The following PCDH15 variants were observed in gnomAD, a reference collection of about 807,000 sequenced individuals.
The protein encoded by PCDH15 is protocadherin-15.
In PCDH15, 129 loss-of-function variants were observed where a neutral mutation model predicts 178.5. The ratio of observed to expected loss-of-function variants is 0.72; its 90% CI spans 0.63 to 0.84. The LOEUF is 0.84. Ranked by LOEUF, PCDH15 falls within the 40% of genes least tolerant of loss-of-function variation. The pLI is 0.00. For synonymous variants in PCDH15, 800 were observed against 732.0 expected (o/e 1.09, Z -1.50); for missense variants, 2,230 against 2,099.9 (o/e 1.06, Z -1.21).
At chr10:54,838,056 T>C (rs1010724248) in intron 3 of PCDH15, among the ~76,000 whole-genome samples, 4 of 151,894 alleles carry the variant, frequency 2.6e-5, no homozygotes, top group African/African-American at 9.7e-5. Flanking sequence ...TACATACTTG[T>C]GCAAGTATGT....
chr10:55,460,077 C>T (rs1314969015), intron 2 of PCDH15, among the ~76,000 whole-genome samples: 2 of 151,826 alleles, frequency 1.3e-5, no homozygotes, highest in African/African-American at 2.4e-5. Context: ...GTGAAGAAAA[C>T]AGGAACTGAC....
intron 2 of PCDH15, among the ~76,000 whole-genome samples, chr10:54,995,179 A>G (rs1174987285): frequency 6.6e-6 from 1 of 152,028 alleles, no homozygotes; most frequent in Non-Finnish European, 1.5e-5. Flanking sequence ...GATAGAGACC[A>G]TCCTGGCTAA....
In PCDH15 at chr10:54,867,899, T is replaced by C. The variant is rs550826591; in HGVS notation, c.-29+29551A>G. 1.5e-4 allele frequency among the ~76,000 whole-genome samples: 23 copies of C among 152,278 alleles called. No individual in the cohort carries two copies. In the South Asian group the frequency reaches 4.8e-3, roughly 32 times the overall value. ...ACTGAAGATCTACTGCACAGCATAGTGACTAACTATAATTAATAATAATTC... is the reference window on the plus strand; with the variant it reads ...ACTGAAGATCTACTGCACAGCATAGCGACTAACTATAATTAATAATAATTC... On this transcript the variant is annotated intron_variant, in intron 3 of 5. Transcript: ENST00000458638.
chr10:54,936,588 A>G lies in PCDH15; in HGVS notation c.-79-39088T>C, dbSNP rs576594321. Among the ~76,000 whole-genome samples the G allele has an allele frequency of 1.4e-3, 207 of 152,074 alleles. 1 individual carries two copies. Among genetic ancestry groups the G allele is most frequent in the African/African-American group, 4.8e-3 (199 of 41,560 alleles). On this transcript the variant is annotated intron_variant, in intron 2 of 5. Transcript: ENST00000458638. ...CAGCCATCACCCTAATGAATGCAAA[A>G]ATATATATTACTGTGAATTTAATTT...
intron 11 of PCDH15, among the ~76,000 whole-genome samples, chr10:54,187,406 G>A (rs1303217580): frequency 6.6e-6 from 1 of 151,852 alleles, no homozygotes; most frequent in Non-Finnish European, 1.5e-5. Context: ...GTCCAAATGT[G>A]ACTGTAGTAT....
chr10:54,279,039 C>T (rs2058516748), intron 8 of PCDH15, among the ~76,000 whole-genome samples: 1 of 151,494 alleles, frequency 6.6e-6, no homozygotes, highest in African/African-American at 2.4e-5. Flanking sequence ...CCTTTAAGCC[C>T]TCCTTTTTAC....
At chr10:55,189,412 T>C (rs1791544208) in intron 1 of PCDH15, among the ~76,000 whole-genome samples, 1 of 151,904 alleles carries the variant, frequency 6.6e-6, no homozygotes, top group South Asian at 2.1e-4. Context: ...TTTCATCATT[T>C]GCTATTTAAA....
At chr10:54,373,972 G>A (rs934926354) in intron 4 of PCDH15, among the ~76,000 whole-genome samples, 3 of 151,996 alleles carry the variant, frequency 2.0e-5, no homozygotes, top group Admixed American at 6.6e-5. Flanking sequence ...TTCTTAGTTT[G>A]TAGTTCATAC....
intron 3 of PCDH15, among the ~76,000 whole-genome samples, chr10:54,512,238 A>T (rs1029308933): frequency 1.2e-4 from 19 of 152,260 alleles, no homozygotes; most frequent in African/African-American, 4.6e-4. Flanking sequence ...TATTAAATTT[A>T]AAAGTACAGA....
chr10:54,362,928 TATA>T (rs1946273779), intron 5 of PCDH15, among the ~76,000 whole-genome samples: 1 of 152,150 alleles, frequency 6.6e-6, no homozygotes, highest in South Asian at 2.1e-4. Flanking sequence ...TGTAATTTAT[TATA>T]ATAATCTGGA....
intron 2 of PCDH15, among the ~76,000 whole-genome samples, chr10:54,919,345 C>G (rs1486868270): frequency 6.6e-6 from 1 of 152,100 alleles, no homozygotes; most frequent in African/African-American, 2.4e-5. Flanking sequence ...TATCCTTGAG[C>G]CTCATCTAAC....
At chr10:54,018,470 T>A (rs191953282) in intron 20 of PCDH15, among the ~76,000 whole-genome samples, 74 of 152,236 alleles carry the variant, frequency 4.9e-4, no homozygotes, top group African/African-American at 1.7e-3. Flanking sequence ...GGACTTTAAC[T>A]ATAATCACTT....
At chr10:54,883,335 T>C (rs1385753177) in intron 3 of PCDH15, among the ~76,000 whole-genome samples, 3 of 152,072 alleles carry the variant, frequency 2.0e-5, no homozygotes, top group Non-Finnish European at 1.5e-5. Flanking sequence ...TAAGTATACA[T>C]TGTATGGCTT....
At chr10:54,957,643 C>G (rs996525379) in intron 2 of PCDH15, among the ~76,000 whole-genome samples, 1 of 151,254 alleles carries the variant, frequency 6.6e-6, no homozygotes, top group Non-Finnish European at 1.5e-5. Flanking sequence ...GGTGGTAGAT[C>G]TCTCCATAGC....
chr10:54,245,429 G>GA (rs1051954091), intron 8 of PCDH15, among the ~76,000 whole-genome samples: 1 of 151,982 alleles, frequency 6.6e-6, no homozygotes, highest in Non-Finnish European at 1.5e-5. Context: ...AATAAATAGA[G>GA]AAAAAAATTA....
At chr10:53,986,454 A>G (rs370310852) in intron 21 of PCDH15, among the ~76,000 whole-genome samples, 22 of 152,366 alleles carry the variant, frequency 1.4e-4, no homozygotes, top group African/African-American at 5.0e-4. Flanking sequence ...CATATGATCC[A>G]GTAGTTCCAC....
intron 1 of PCDH15, among the ~76,000 whole-genome samples, chr10:55,268,821 G>A (rs571754492): frequency 6.6e-6 from 1 of 152,010 alleles, no homozygotes; most frequent in African/African-American, 2.4e-5. Flanking sequence ...AATTTTAATA[G>A]TGACTAGATA....
chr10:54,670,156 C>A (rs1157161951), intron 1 of PCDH15, among the ~76,000 whole-genome samples: 1 of 152,050 alleles, frequency 6.6e-6, no homozygotes, highest in Non-Finnish European at 1.5e-5. Context: ...TGATGAAAAT[C>A]ATTTTTAAAA....
intron 3 of PCDH15, among the ~76,000 whole-genome samples, chr10:54,812,159 A>G (rs868438106): frequency 2.0e-5 from 3 of 152,164 alleles, no homozygotes; most frequent in South Asian, 2.1e-4. Context: ...AAGAAGAATA[A>G]GTTTCTATTT....
Sources: allele counts gnomAD v4.1 joint callset (sites outside exome capture counted in the v4.1 genomes callset), GRCh38; gene constraint gnomAD v4.1.1; transcripts MANE v1.5; gene names NCBI Gene and HGNC (gene_info 2026-07-23, HGNC 2026-07-21).